Variants in UBE2E1 observed in about 807,000 individuals in gnomAD.
The protein encoded by UBE2E1 is ubiquitin conjugating enzyme E2 E1.
In UBE2E1, 6 loss-of-function variants were observed where a neutral mutation model predicts 21.4. The observed-to-expected ratio is 0.28, with a 90% CI of 0.15 to 0.55. The LOEUF (loss-of-function observed/expected upper bound fraction) is 0.55. UBE2E1 is among the 20% of genes least tolerant of loss of function. UBE2E1 has a pLI of 0.93. For synonymous variants in UBE2E1, 87 were observed against 82.7 expected, an observed-to-expected ratio of 1.05 and a Z score of -0.28; for missense variants, 142 against 236.5, an observed-to-expected ratio of 0.60 and a Z score of 2.62.
rs1225213900 is a variant in UBE2E1, at chr3:23,863,335, T to TA, written c.204-24231dup. On this transcript the variant is annotated intron_variant, in intron 3 of 5. Coordinates refer to ENST00000306627, the MANE Select transcript of UBE2E1 (RefSeq NM_003341.5). This position sits in a 1 kb window ranked among gnomAD's most constrained non-coding sequence, Gnocchi z 4.3. ...TATGTGAGCATTATTCACATGTGGT[T>TA]ACTTTTCCTTCCTTGCTTGACTACC... Among the ~76,000 whole-genome samples, 1 of 152,108 alleles carries TA rather than the reference T, an allele frequency of 6.6e-6. No homozygotes were observed. Among genetic ancestry groups the TA allele is most frequent in the Non-Finnish European group, 1.5e-5 (1 of 68,036 alleles).
intron 3 of UBE2E1, among the ~76,000 whole-genome samples, chr3:23,875,811 C>G (rs1700901658): frequency 6.6e-6 from 1 of 152,198 alleles, no homozygotes; most frequent in Non-Finnish European, 1.5e-5. Flanking sequence ...CTCGCTCTGT[C>G]GCCCAGGCTG....
rs1476671081 is a variant in UBE2E1 at position 23,848,311 on chromosome 3, A to G, written c.203+36801A>G. On this transcript the variant is annotated intron_variant, in intron 3 of 5. Transcript: ENST00000306627. Reference sequence around the variant, plus strand: ...TGATGAAACCTTGTCTCTCTTAAAAATACAAAAATTAGCTGGGTGTGGTGG... The same window carrying G: ...TGATGAAACCTTGTCTCTCTTAAAAGTACAAAAATTAGCTGGGTGTGGTGG... Among the ~76,000 whole-genome samples, 6 of 152,284 alleles carry G rather than the reference A, an allele frequency of 3.9e-5. No individual in the cohort carries two copies. The East Asian group carries it at 1.2e-3, about 29-fold the overall frequency.
chr3:23,865,913 A>AGCTGCT (rs943620961), intron 3 of UBE2E1, among the ~76,000 whole-genome samples: 7 of 152,102 alleles, frequency 4.6e-5, no homozygotes, highest in African/African-American at 1.7e-4. Context: ...GGGCCTCTTT[A>AGCTGCT]GCTGCTGCTG....
intron 3 of UBE2E1, among the ~76,000 whole-genome samples, chr3:23,832,402 T>C (rs1449311390): frequency 1.3e-5 from 2 of 152,154 alleles, no homozygotes; most frequent in Non-Finnish European, 2.9e-5. Context: ...CCCAGCACTT[T>C]GGGAGGCCGA....
chr3:23,876,576 T>C lies in UBE2E1; in HGVS notation c.204-10991T>C, dbSNP rs1264710876. On this transcript the variant is annotated intron_variant, in intron 3 of 5. Coordinates refer to ENST00000306627, the MANE Select transcript of UBE2E1 (RefSeq NM_003341.5). This position sits in a 1 kb window ranked among gnomAD's most constrained non-coding sequence, Gnocchi z 4.3. Reference sequence around the variant, plus strand: ...TTTGTCATAGGGAATGTAGATGTAATTGGATTTTTTTTTCATATAAGCATT... The same window carrying C: ...TTTGTCATAGGGAATGTAGATGTAACTGGATTTTTTTTTCATATAAGCATT... 1.3e-5 allele frequency among the ~76,000 whole-genome samples: 2 copies of C among 152,136 alleles called. No individual in the cohort carries two copies. The highest frequency in any genetic ancestry group is 1.3e-4 in the Admixed American group (2 of 15,278).
In UBE2E1 at chr3:23,816,306, A is replaced by G. The variant is rs1304326153; in HGVS notation, c.203+4796A>G. 2.6e-5 allele frequency among the ~76,000 whole-genome samples: 4 copies of G among 152,244 alleles called. No individual in the cohort carries two copies. The highest frequency in any genetic ancestry group is 4.4e-5 in the Non-Finnish European group (3 of 68,040). On this transcript the variant is annotated intron_variant, in intron 3 of 5. Transcript: ENST00000306627. The surrounding 1 kb of genome is among the most constrained non-coding windows in gnomAD (Gnocchi z 4.8). ...GTGGAAAAAACCCAAGTGTCTGTCA[A>G]CAGATGAGTGGATAAACAAAATTTG... is the stretch of plus-strand genomic sequence containing the variant.
intron 3 of UBE2E1, among the ~76,000 whole-genome samples, chr3:23,830,386 T>G (rs1030203553): frequency 2.0e-5 from 3 of 151,532 alleles, no homozygotes; most frequent in African/African-American, 7.3e-5. Flanking sequence ...TAAAGGATTT[T>G]AAGAGTTATA....
intron 3 of UBE2E1, among the ~76,000 whole-genome samples, chr3:23,848,819 A>G (rs4621280): frequency 0.63 from 95,234 of 151,120 alleles, 30,657 homozygotes; most frequent in African/African-American, 0.78. Context: ...AACTGGAATC[A>G]AAGGGGGAGA....
rs532196777 is a variant in UBE2E1 at position 23,853,404 on chromosome 3, T to G, written c.204-34163T>G. On this transcript the variant is annotated intron_variant, in intron 3 of 5. Transcript: ENST00000306627. The surrounding 1 kb of genome is among the most constrained non-coding windows in gnomAD (Gnocchi z 4.1). ...TTAAGTATGGTGTTGGCTGTGGGTT[T>G]ATCATTAGTGTCTGTTTAAGAGCCA... Among the ~76,000 whole-genome samples, 3 of 152,368 alleles carry G rather than the reference T, an allele frequency of 2.0e-5. No homozygotes were observed. The South Asian group carries it at 6.2e-4, about 32-fold the overall frequency.
rs1699523230 is a variant in UBE2E1, at chr3:23,816,552, A to G, written c.203+5042A>G. Among the ~76,000 whole-genome samples the G allele has an allele frequency of 1.3e-5, 2 of 152,036 alleles. No homozygotes were observed. Among genetic ancestry groups the G allele is most frequent in the South Asian group, 4.2e-4 (2 of 4,816 alleles). On this transcript the variant is annotated intron_variant, in intron 3 of 5. Coordinates refer to ENST00000306627, the MANE Select transcript of UBE2E1 (RefSeq NM_003341.5). This position sits in a 1 kb window ranked among gnomAD's most constrained non-coding sequence, Gnocchi z 4.8. ...AAACCCCGTCTCTACTAAAAATACA[A>G]AAAAATTAGCCGGGCATGGTGGCGG... is the stretch of plus-strand genomic sequence containing the variant.
chr3:23,821,124 G>A (rs1335251492), intron 3 of UBE2E1, among the ~76,000 whole-genome samples: 1 of 152,212 alleles, frequency 6.6e-6, no homozygotes, highest in East Asian at 1.9e-4. Flanking sequence ...AACAGACCTG[G>A]CCTCTGGCTT....
chr3:23,835,588 A>AATAAT (rs1395925619), intron 3 of UBE2E1, among the ~76,000 whole-genome samples: 35 of 36,108 alleles, frequency 9.7e-4, no homozygotes, highest in Admixed American at 4.4e-3. Context: ...GAACCAAGGA[A>AATAAT]GTAATGTATA....
At chr3:23,877,954 G>A (rs910403670) in intron 3 of UBE2E1, among the ~76,000 whole-genome samples, 14 of 151,936 alleles carry the variant, frequency 9.2e-5, no homozygotes, top group Admixed American at 5.2e-4. Flanking sequence ...TTTGAAATAC[G>A]CTGGCACTGT....
chr3:23,813,341 G>A (rs1010555097), intron 3 of UBE2E1, among the ~76,000 whole-genome samples: 2 of 152,150 alleles, frequency 1.3e-5, no homozygotes, highest in Admixed American at 1.3e-4. Context: ...ATATTTTCCA[G>A]TGGGGCCGTT....
intron 3 of UBE2E1, among the ~76,000 whole-genome samples, chr3:23,818,977 A>G (rs1438647061): frequency 6.6e-6 from 1 of 152,168 alleles, no homozygotes; most frequent in Non-Finnish European, 1.5e-5. Flanking sequence ...AAATATAGAG[A>G]GAAAAAGAGT....
At chr3:23,882,634 G>A (rs1007737379) in intron 3 of UBE2E1, among the ~76,000 whole-genome samples, 2 of 150,750 alleles carry the variant, frequency 1.3e-5, no homozygotes, top group African/African-American at 4.9e-5. Context: ...TGCAGGGGTG[G>A]AGGGGAGGCT....
chr3:23,846,626 G>A (rs928481517), intron 3 of UBE2E1, among the ~76,000 whole-genome samples: 3 of 151,496 alleles, frequency 2.0e-5, no homozygotes, highest in Non-Finnish European at 4.4e-5. Context: ...AACCCAGGGG[G>A]CGGAGGCTGC....
In UBE2E1 at chr3:23,807,317, G is replaced by A. The variant is rs1699300236; in HGVS notation, c.48G>A (p.Ser16=). ...SRASTSSSSS[S]SSNQQTEKET... is the part of the protein sequence containing the mutation. ...CCAGCACCAGCTCCTCCTCATCTTC[G>A]TCTTCCAACCAGCAAACCGAGAAAG... Residue 16 remains serine, a synonymous_variant, in exon 2 of 6, where the codon TCG becomes TCA. Coordinates refer to ENST00000306627, the MANE Select transcript of UBE2E1 (RefSeq NM_003341.5). 1 of 1,613,898 alleles carries A rather than the reference G, an allele frequency of 6.2e-7. No homozygotes were observed. Among genetic ancestry groups the A allele is most frequent in the Non-Finnish European group, 8.5e-7 (1 of 1,179,958 alleles).
intron 2 of UBE2E1, among the ~76,000 whole-genome samples, 166 bp from the exon 3 acceptor site, chr3:23,811,294 T>A (rs868533946): frequency 6.6e-6 from 1 of 152,174 alleles, no homozygotes; most frequent in Non-Finnish European, 1.5e-5. Context: ...CGTGAAAAGT[T>A]TTTTTCCTAA....
Sources: gnomAD v4.1 joint callset for allele counts (sites outside exome capture counted in the v4.1 genomes callset) on GRCh38, gnomAD v4.1.1 for gene constraint, Gnocchi (gnomAD v3.1) non-coding constraint, MANE v1.5 for transcripts, NCBI Gene and HGNC (gene_info 2026-07-23, HGNC 2026-07-21) for gene names.